The following RIMBP2 variants were observed in gnomAD, a reference collection of about 807,000 sequenced individuals.
The protein encoded by RIMBP2 is RIMS-binding protein 2.
RIMBP2 carries 48 observed loss-of-function variants against 118.6 expected under a neutral mutation model. The observed-to-expected ratio is 0.40, with a 90% CI of 0.32 to 0.51. The LOEUF (loss-of-function observed/expected upper bound fraction) is 0.51. Among genes scored for constraint, RIMBP2 ranks in the 20% least tolerant of loss-of-function variants. The pLI is 0.41. For missense variants in RIMBP2, 1,551 were observed against 1,768.3 expected (o/e 0.88, Z 2.20); for synonymous variants, 762 against 742.9 (o/e 1.03, Z -0.42).
At chr12:130,437,439 G>A in intron 12 of RIMBP2, 148 bp from the exon 13 acceptor site, 1 of 677,368 alleles carries the variant, frequency 1.5e-6, no homozygotes, top group Non-Finnish European at 2.5e-6. Flanking sequence ...AGGTATGGAA[G>A]CTCCAGGAAG....
chr12:130,445,183 A>G lies in RIMBP2; in HGVS notation c.668T>C (p.Met223Thr). The stretch of plus-strand genomic sequence containing the variant: ...ACCTTCATAGAACCCATCCTCATCC[A>G]TGTCTCCATAGACGTAGAGGTATTT... The part of the protein sequence containing the change: ...AGKYLYVYGD[M>T]DEDGFYEGEL... The change falls in exon 10 of 23, where the codon ATG becomes ACG. Residue 223 changes from methionine (M) to threonine (T), a missense_variant. Coordinates refer to ENST00000690449, the MANE Select transcript of RIMBP2 (RefSeq NM_001393629.1). 6.2e-7 allele frequency: 1 copy of G among 1,610,990 alleles called. No homozygotes were observed. Among genetic ancestry groups the G allele is most frequent in the East Asian group, 2.2e-5 (1 of 44,706 alleles).
At chr12:130,605,677 A>G (rs2060140031) in intron 2 of RIMBP2, among the ~76,000 whole-genome samples, 1 of 152,208 alleles carries the variant, frequency 6.6e-6, no homozygotes, top group Non-Finnish European at 1.5e-5. Context: ...CAAATATGAC[A>G]ATGCTGTTAC....
chr12:130,657,663 CGGG>C (rs1479679625), intron 1 of RIMBP2, among the ~76,000 whole-genome samples: 1 of 88,684 alleles, frequency 1.1e-5, no homozygotes, highest in Non-Finnish European at 2.7e-5. Context: ...GCCCCAGCTG[CGGG>C]GGGCAGTGAG....
intron 21 of RIMBP2, among the ~76,000 whole-genome samples, 178 bp downstream of exon 21, chr12:130,405,994 T>TA (rs1464640707): frequency 3.3e-5 from 5 of 152,232 alleles, no homozygotes; most frequent in African/African-American, 1.2e-4. Context: ...GTCCCAACTT[T>TA]CTAGATTATC....
chr12:130,535,728 CATAT>C (rs1219732658), intron 2 of RIMBP2, among the ~76,000 whole-genome samples: 26 of 128,062 alleles, frequency 2.0e-4, no homozygotes, highest in African/African-American at 6.1e-4. Context: ...CATATATATA[CATAT>C]ATATACATAT....
At chr12:130,481,845 C>A (rs56256936) in intron 4 of RIMBP2, among the ~76,000 whole-genome samples, 5 of 152,208 alleles carry the variant, frequency 3.3e-5, no homozygotes, top group South Asian at 4.1e-4. Flanking sequence ...CTGCTCCCCC[C>A]GCCCCGCTGG....
rs900909302 is a variant in RIMBP2, at chr12:130,450,958, C to T, written c.504+237G>A. 6.6e-6 allele frequency among the ~76,000 whole-genome samples: 1 copy of T among 152,228 alleles called. No individual in the cohort carries two copies. The highest frequency in any genetic ancestry group is 6.5e-5 in the Admixed American group (1 of 15,284). ...GGATTTGCTTTTCTAAACGCTGCCT[C>T]GCCAGTGTTCTCTCTGCTCCCCCTT... On this transcript the variant is annotated intron_variant, in intron 8 of 22. Transcript: ENST00000690449. The surrounding 1 kb of genome is among the most constrained non-coding windows in gnomAD (Gnocchi z 4.8).
intron 2 of RIMBP2, among the ~76,000 whole-genome samples, chr12:130,555,059 A>T (rs993248745): frequency 6.6e-6 from 1 of 152,230 alleles, no homozygotes; most frequent in African/African-American, 2.4e-5. Flanking sequence ...AGGTGCCATC[A>T]TTATCCCCAT....
At chr12:130,514,835 G>A (rs1319615207) in intron 3 of RIMBP2, among the ~76,000 whole-genome samples, 1 of 152,084 alleles carries the variant, frequency 6.6e-6, no homozygotes, top group East Asian at 1.9e-4. Flanking sequence ...GGGGGCTGGT[G>A]GAAAAATGGG....
intron 2 of RIMBP2, among the ~76,000 whole-genome samples, chr12:130,580,173 G>C (rs1484334821): frequency 6.7e-6 from 1 of 149,836 alleles, no homozygotes; most frequent in East Asian, 2.0e-4. Flanking sequence ...CTTCCAGCCT[G>C]GGTGACAGAG....
chr12:130,501,214 A>T (rs1001558692), intron 4 of RIMBP2, among the ~76,000 whole-genome samples: 8 of 151,550 alleles, frequency 5.3e-5, no homozygotes, highest in African/African-American at 1.9e-4. Context: ...ACTTCTCCCC[A>T]CCCTGCCTTG....
Position 130,398,837 on chromosome 12 carries a change from G to A in RIMBP2, c.3900+842C>T, listed in dbSNP as rs370355114. On this transcript the variant is annotated intron_variant, in intron 22 of 22. Transcript: ENST00000690449. ...CTCTATGTAAACACACAGTTAGCTT[G>A]TTAAGAAATATGTTCCCAATGTTGG... 4.6e-4 allele frequency: 92 copies of A among 199,406 alleles called. No individual in the cohort carries two copies. In the Middle Eastern group the frequency reaches 0.015, roughly 32 times the overall value. The allele number at this position is 199,406 out of a possible 1,614,324, so 12.4% of individuals were successfully genotyped here. A position where few individuals can be genotyped will look rare whatever the true frequency, so the allele number is the denominator to read the frequency against.
intron 1 of RIMBP2, among the ~76,000 whole-genome samples, chr12:130,697,363 A>C (rs1195001647): frequency 1.3e-5 from 2 of 152,166 alleles, no homozygotes; most frequent in Non-Finnish European, 2.9e-5. Flanking sequence ...TCTACAAAAT[A>C]TCTCTACAAA....
chr12:130,424,081 T>C lies in RIMBP2; in HGVS notation c.3129+61A>G, dbSNP rs893403503. The C allele has an allele frequency of 3.3e-6, 3 of 915,278 alleles. No homozygotes were observed. Among genetic ancestry groups the C allele is most frequent in the Non-Finnish European group, 4.3e-6 (3 of 699,048 alleles). 56.7% of individuals were successfully genotyped at this position (915,278 alleles called of 1,614,324 possible). A position where few individuals can be genotyped will look rare whatever the true frequency, so the allele number is the denominator to read the frequency against. ...GACACCAGAACAAACAGAAAACCAG[T>C]GAAAGGATGGGACAGATTGGTTTGG... is the stretch of plus-strand genomic sequence containing the variant. On this transcript the variant is annotated intron_variant, in intron 16 of 22. Coordinates refer to ENST00000690449, the MANE Select transcript of RIMBP2 (RefSeq NM_001393629.1). The surrounding 1 kb of genome is among the most constrained non-coding windows in gnomAD (Gnocchi z 9.8).
At chr12:130,429,278 G>A (rs2077005766) in intron 14 of RIMBP2, 1 of 151,484 alleles carries the variant, frequency 6.6e-6, no homozygotes, top group African/African-American at 2.4e-5. Flanking sequence ...GATAGTAGGG[G>A]CACTGGGCGG....
chr12:130,653,666 C>T (rs926227430), intron 1 of RIMBP2, among the ~76,000 whole-genome samples: 6 of 152,254 alleles, frequency 3.9e-5, no homozygotes, highest in African/African-American at 1.2e-4. Flanking sequence ...GTGGGGGCTC[C>T]ACCCCTGTGG....
intron 2 of RIMBP2, among the ~76,000 whole-genome samples, chr12:130,531,955 C>T (rs1338171831): frequency 7.6e-6 from 1 of 131,006 alleles, no homozygotes; most frequent in Non-Finnish European, 1.6e-5. Flanking sequence ...GGAGGTACGT[C>T]TAATGAGATG....
At chr12:130,610,176 G>A (rs940657962) in intron 2 of RIMBP2, among the ~76,000 whole-genome samples, 3 of 151,040 alleles carry the variant, frequency 2.0e-5, no homozygotes, top group East Asian at 2.0e-4. Context: ...GGTCCCTCCC[G>A]TTCTGGGGGA....
At chr12:130,430,861 C>T (rs1157757600) in intron 14 of RIMBP2, among the ~76,000 whole-genome samples, 1 of 152,050 alleles carries the variant, frequency 6.6e-6, no homozygotes, top group Non-Finnish European at 1.5e-5. Context: ...AAACTCCTGA[C>T]CTCAAGTGAT....
Sources: gnomAD v4.1 joint callset for allele counts (sites outside exome capture counted in the v4.1 genomes callset) on GRCh38, gnomAD v4.1.1 for gene constraint, Gnocchi (gnomAD v3.1) non-coding constraint, MANE v1.5 for transcripts, NCBI Gene and HGNC (gene_info 2026-07-23, HGNC 2026-07-21) for gene names.